The following CSMD1 variants were observed in gnomAD, a reference collection of about 807,000 sequenced individuals.
The protein encoded by CSMD1 is CUB and Sushi multiple domains 1.
CSMD1 carries 213 observed loss-of-function variants against 417.5 expected under a neutral mutation model. The ratio of observed to expected loss-of-function variants is 0.51; its 90% CI spans 0.46 to 0.57. CSMD1 has a LOEUF of 0.57. Among genes scored for constraint, CSMD1 ranks in the 20% least tolerant of loss-of-function variants. CSMD1 has a pLI of 0.00. For synonymous variants in CSMD1, 2,862 were observed against 1,736.8 expected (o/e 1.65, Z -16.11); for missense variants, 6,923 against 4,529.7 (o/e 1.53, Z -15.17).
intron 8 of CSMD1, among the ~76,000 whole-genome samples, chr8:3,608,311 T>C (rs749024651): frequency 3.3e-5 from 5 of 151,994 alleles, no homozygotes; most frequent in African/African-American, 9.7e-5. Flanking sequence ...GAGCTCTTTA[T>C]GGATAGACAT....
At chr8:4,163,908 C>T (rs1233274672) in intron 3 of CSMD1, among the ~76,000 whole-genome samples, 1 of 152,132 alleles carries the variant, frequency 6.6e-6, no homozygotes, top group African/African-American at 2.4e-5. Flanking sequence ...GGTTTGGTTA[C>T]TCGTTAGGTG....
At chr8:3,250,291 G>T (rs1311013191) in intron 26 of CSMD1, among the ~76,000 whole-genome samples, 2 of 152,144 alleles carry the variant, frequency 1.3e-5, no homozygotes, top group Non-Finnish European at 2.9e-5. Context: ...TCCCACCTAT[G>T]AGTGAGAACA....
chr8:3,472,614 C>G (rs1049942523), intron 11 of CSMD1, among the ~76,000 whole-genome samples: 2 of 152,098 alleles, frequency 1.3e-5, no homozygotes, highest in East Asian at 1.9e-4. Flanking sequence ...TTTCCAGACT[C>G]ACACTAGACA....
chr8:3,494,910 A>G (rs1796303824), intron 10 of CSMD1, among the ~76,000 whole-genome samples: 1 of 152,212 alleles, frequency 6.6e-6, no homozygotes, highest in Admixed American at 6.5e-5. Context: ...AGCATAGAGA[A>G]GACAGACTTC....
At chr8:4,293,122 G>A (rs1006019496) in intron 3 of CSMD1, among the ~76,000 whole-genome samples, 9 of 152,106 alleles carry the variant, frequency 5.9e-5, no homozygotes, top group African/African-American at 1.7e-4. Flanking sequence ...TACCAGCATC[G>A]CCCTCTCAGT....
At chr8:4,018,144 C>G (rs1017821065) in intron 4 of CSMD1, among the ~76,000 whole-genome samples, 2 of 151,948 alleles carry the variant, frequency 1.3e-5, no homozygotes, top group African/African-American at 4.8e-5. Flanking sequence ...GTTTTTATGT[C>G]TTTTTTCAAA....
At chr8:3,370,473 C>T (rs35504274) in intron 18 of CSMD1, among the ~76,000 whole-genome samples, 8,825 of 152,290 alleles carry the variant, frequency 0.058, 343 homozygotes, top group Middle Eastern at 0.092. Context: ...TGCCCACCCT[C>T]ACTGCAGCAC....
intron 3 of CSMD1, among the ~76,000 whole-genome samples, chr8:4,329,799 A>G (rs1304579419): frequency 6.6e-6 from 1 of 151,872 alleles, no homozygotes; most frequent in African/African-American, 2.4e-5. Flanking sequence ...TTTTGCTCCA[A>G]GTTCTCATGA....
At chr8:4,332,267 G>A (rs1042206191) in intron 3 of CSMD1, among the ~76,000 whole-genome samples, 11 of 152,072 alleles carry the variant, frequency 7.2e-5, no homozygotes, top group African/African-American at 2.7e-4. Context: ...ATGCCAAGGA[G>A]CCAAAGGGCT....
chr8:3,738,258 A>G (rs906103755), intron 6 of CSMD1, among the ~76,000 whole-genome samples: 2 of 152,230 alleles, frequency 1.3e-5, no homozygotes, highest in Admixed American at 1.3e-4. Context: ...CCCTAACAGA[A>G]AATAGCGACG....
At chr8:3,839,847 G>A (rs1563133662) in intron 5 of CSMD1, among the ~76,000 whole-genome samples, 1 of 151,736 alleles carries the variant, frequency 6.6e-6, no homozygotes, top group Non-Finnish European at 1.5e-5. Context: ...GAACATTATG[G>A]CCTCTTCTAC....
chr8:3,992,873 C>G (rs543316410), intron 5 of CSMD1, among the ~76,000 whole-genome samples: 19 of 152,368 alleles, frequency 1.2e-4, no homozygotes, highest in Non-Finnish European at 1.9e-4. Context: ...CCTCCATATT[C>G]ATAAACGATG....
At chr8:3,114,338 A>C (rs1816724054) in intron 42 of CSMD1, among the ~76,000 whole-genome samples, 1 of 151,982 alleles carries the variant, frequency 6.6e-6, no homozygotes, top group Admixed American at 6.6e-5. Flanking sequence ...TTTCTCTAGT[A>C]TTATGTTAAG....
intron 3 of CSMD1, among the ~76,000 whole-genome samples, chr8:4,141,564 A>T (rs1803792327): frequency 6.6e-6 from 1 of 151,120 alleles, no homozygotes; most frequent in Non-Finnish European, 1.5e-5. Flanking sequence ...GCTCTTACAA[A>T]CCTGTACAGA....
At chr8:3,463,888 A>G (rs908382836) in intron 12 of CSMD1, among the ~76,000 whole-genome samples, 3 of 152,152 alleles carry the variant, frequency 2.0e-5, no homozygotes, top group Non-Finnish European at 2.9e-5. Flanking sequence ...CTTCCCCCAT[A>G]CACCCTAGGA....
intron 33 of CSMD1, among the ~76,000 whole-genome samples, chr8:3,198,220 G>C (rs1392794662): frequency 6.6e-6 from 1 of 152,172 alleles, no homozygotes; most frequent in Non-Finnish European, 1.5e-5. Context: ...TGATGGGATA[G>C]ATTTTATAAT....
chr8:3,457,699 C>A (rs749137153), intron 12 of CSMD1, among the ~76,000 whole-genome samples: 13 of 152,082 alleles, frequency 8.5e-5, no homozygotes, highest in Non-Finnish European at 1.5e-4. Flanking sequence ...TTGTTGAGAT[C>A]ATAAAAACTC....
At chr8:4,150,936 T>C (rs1796541719) in intron 3 of CSMD1, among the ~76,000 whole-genome samples, 2 of 152,190 alleles carry the variant, frequency 1.3e-5, no homozygotes, top group African/African-American at 4.8e-5. Context: ...TTAATTACAG[T>C]CTGCAACGTC....
intron 2 of CSMD1, among the ~76,000 whole-genome samples, chr8:4,486,099 A>G (rs1801363398): frequency 6.8e-6 from 1 of 147,590 alleles, no homozygotes; most frequent in Non-Finnish European, 1.5e-5. Flanking sequence ...CATCATACAT[A>G]TATATGTATG....
Sources: allele counts gnomAD v4.1 joint callset (sites outside exome capture counted in the v4.1 genomes callset), GRCh38; gene constraint gnomAD v4.1.1; transcripts MANE v1.5; gene names NCBI Gene and HGNC (gene_info 2026-07-23, HGNC 2026-07-21).